Variants in HNRNPR observed in about 807,000 individuals in gnomAD.
HNRNPR encodes heterogeneous nuclear ribonucleoprotein R.
Under a neutral mutation model 70.3 loss-of-function variants are expected in HNRNPR, and 4 were observed. The observed-to-expected ratio is 0.06, with a 90% confidence interval of 0.03 to 0.13. The LOEUF (loss-of-function observed/expected upper bound fraction) is 0.13, where lower values mean the gene tolerates loss of function less well. Ranked by LOEUF, HNRNPR falls within the 10% of genes least tolerant of loss-of-function variation. The pLI is 1.00. For missense variants in HNRNPR, 423 were observed against 788.5 expected (o/e 0.54, Z 5.55); for synonymous variants, 241 against 267.6 (o/e 0.90, Z 0.97).
At chr1:23,343,842 G>A (rs1646801168) in intron 1 of HNRNPR, among the ~76,000 whole-genome samples, 1 of 152,124 alleles carries the variant, frequency 6.6e-6, no homozygotes, top group Non-Finnish European at 1.5e-5. Context: ...CGGGAGCGAA[G>A]CGGCTCCGGC....
At chr1:23,336,713 T>G (rs1251724198) in intron 4 of HNRNPR, among the ~76,000 whole-genome samples, 2 of 136,994 alleles carry the variant, frequency 1.5e-5, no homozygotes, top group African/African-American at 3.0e-5. Flanking sequence ...TGAGCTGAGA[T>G]GGCGCTACTG....
In HNRNPR at chr1:23,308,065, G is replaced by A. The variant is rs1235134619; in HGVS notation, c.*2389C>T. On this transcript the variant is annotated 3_prime_UTR_variant, in exon 11 of 11. Transcript: ENST00000302271. ...GCTACAGTGTTAATTTACAAGACAT[G>A]AAAGAAGAAAAGCTCTTGAGTTTTA... is the stretch of plus-strand genomic sequence containing the variant. 6.6e-6 allele frequency: 1 copy of A among 152,018 alleles called. No individual in the cohort carries two copies. The highest frequency in any genetic ancestry group is 1.5e-5 in the Non-Finnish European group (1 of 67,906). 9.4% of individuals were successfully genotyped at this position (152,018 alleles called of 1,614,324 possible).
rs199969932 is a variant in HNRNPR at position 23,310,418 on chromosome 1, G to A, written c.*36C>T. 90 of 1,520,278 alleles carry A rather than the reference G, an allele frequency of 5.9e-5. No homozygotes were observed. The South Asian group carries it at 8.6e-4, about 15-fold the overall frequency. The allele number at this position is 1,520,278 out of a possible 1,614,324, so 94.2% of individuals were successfully genotyped here. A position where few individuals can be genotyped will look rare whatever the true frequency, so the allele number is the denominator to read the frequency against. ...GAAGAATGTAGATCTAGAGCCAATCGTATCTTGCCAGTATCATTTTCAAGC... is the reference window on the plus strand; with the variant it reads ...GAAGAATGTAGATCTAGAGCCAATCATATCTTGCCAGTATCATTTTCAAGC... On this transcript the variant is annotated 3_prime_UTR_variant, in exon 11 of 11. Transcript: ENST00000302271. The surrounding 1 kb of genome is among the most constrained non-coding windows in gnomAD (Gnocchi z 6.0).
At position 23,308,100 on chromosome 1, in the gene HNRNPR, G is replaced by A. The variant is rs1042834756; in HGVS notation, c.*2354C>T. On this transcript the variant is annotated 3_prime_UTR_variant, in exon 11 of 11. Transcript: ENST00000302271. ...AAGCTCTTGAGTTTTAATGTTTATA[G>A]GATTATGCTTTACAATTTAAAATAG... 3.9e-5 allele frequency: 6 copies of A among 151,910 alleles called. No individual in the cohort carries two copies. The highest frequency in any genetic ancestry group is 7.4e-5 in the Non-Finnish European group (5 of 67,888). 9.4% of individuals were successfully genotyped at this position (151,910 alleles called of 1,614,324 possible). A position where few individuals can be genotyped will look rare whatever the true frequency, so the allele number is the denominator to read the frequency against.
At chr1:23,319,760 C>T (rs1645685451) in intron 7 of HNRNPR, among the ~76,000 whole-genome samples, 1 of 152,186 alleles carries the variant, frequency 6.6e-6, no homozygotes, top group Admixed American at 6.5e-5. Flanking sequence ...AACTCTACTC[C>T]TAATTCTACC....
chr1:23,333,251 A>T (rs760903006), intron 5 of HNRNPR, among the ~76,000 whole-genome samples: 6 of 152,206 alleles, frequency 3.9e-5, no homozygotes, highest in Non-Finnish European at 8.8e-5. Context: ...CCAAGTATCT[A>T]AAATGGTGTG....
Position 23,333,481 on chromosome 1 carries a change from C to G in HNRNPR, c.498+37G>C, listed in dbSNP as rs373326331. The stretch of plus-strand genomic sequence containing the variant: ...CATAGTAGATAAAACACTTTCCAAA[C>G]TGGAAAGATCTTGGTAAACTGCTAA... On this transcript the variant is annotated intron_variant, in intron 5 of 10. Transcript: ENST00000302271. 4.5e-6 allele frequency: 6 copies of G among 1,330,888 alleles called. No homozygotes were observed. In the African/African-American group the frequency reaches 5.8e-5, roughly 13 times the overall value. 82.4% of individuals were successfully genotyped at this position (1,330,888 alleles called of 1,614,324 possible).
In HNRNPR at chr1:23,318,011, A is replaced by T. The variant is rs952480850; in HGVS notation, c.1017+472T>A. Among the ~76,000 whole-genome samples the T allele has an allele frequency of 8.0e-5, 12 of 150,900 alleles. No homozygotes were observed. The highest frequency in any genetic ancestry group is 1.9e-4 in the East Asian group (1 of 5,186). On this transcript the variant is annotated intron_variant, in intron 8 of 10. Coordinates refer to ENST00000302271, the MANE Select transcript of HNRNPR (RefSeq NM_005826.5). The surrounding 1 kb of genome is among the most constrained non-coding windows in gnomAD (Gnocchi z 4.2). ...TAATAATAATAAATAAAATATTTTT[A>T]AAAATAAAAACTACAAAAAAAGCTT...
chr1:23,340,982 C>A lies in HNRNPR; in HGVS notation c.27G>T (p.Ala9=). The change falls in exon 2 of 11, where the codon GCG becomes GCT. Residue 9 remains alanine, a synonymous_variant. Transcript: ENST00000302271. ...GTTCTTCCTCTTCTTTTAACTGTAC[C>A]GCATTACCATTCACCTGATTAGCCA... The part of the protein sequence containing the change: MANQVNGN[A]VQLKEEEEPM... 1 of 1,611,946 alleles carries A rather than the reference C, an allele frequency of 6.2e-7. No individual in the cohort carries two copies. Among genetic ancestry groups the A allele is most frequent in the Non-Finnish European group, 8.5e-7 (1 of 1,179,114 alleles).
chr1:23,343,662 G>A (rs1646789342), intron 1 of HNRNPR, among the ~76,000 whole-genome samples: 1 of 152,196 alleles, frequency 6.6e-6, no homozygotes, highest in Non-Finnish European at 1.5e-5. Context: ...GAATGTGGGA[G>A]GGGAGGGAGG....
rs1209227331 is a variant in HNRNPR, at chr1:23,310,382, T to A, written c.*72A>T. ...CTTAAAGATGAAACAGTTAAGCCAA[T>A]TTTTTTTTTTGAAGAATGTAGATCT... is the stretch of plus-strand genomic sequence containing the variant. On this transcript the variant is annotated 3_prime_UTR_variant, in exon 11 of 11. Transcript: ENST00000302271. The surrounding 1 kb of genome is among the most constrained non-coding windows in gnomAD (Gnocchi z 6.0). The A allele has an allele frequency of 3.1e-6, 3 of 960,738 alleles. No homozygotes were observed. The highest frequency in any genetic ancestry group is 4.3e-6 in the Non-Finnish European group (3 of 695,528). 59.5% of individuals were successfully genotyped at this position (960,738 alleles called of 1,614,324 possible). A position where few individuals can be genotyped will look rare whatever the true frequency, so the allele number is the denominator to read the frequency against.
chr1:23,333,703 T>G, intron 4 of HNRNPR, 72 bp from the exon 5 acceptor site: 1 of 868,566 alleles, frequency 1.2e-6, no homozygotes, highest in Non-Finnish European at 1.8e-6. Flanking sequence ...TATTAATCTT[T>G]TCCAAAAAGG....
At chr1:23,335,391 C>G (rs187408399) in intron 4 of HNRNPR, among the ~76,000 whole-genome samples, 21 of 152,378 alleles carry the variant, frequency 1.4e-4, no homozygotes, top group African/African-American at 4.8e-4. Context: ...CCCTGGGCCA[C>G]AGACCCGTAC....
At chr1:23,327,054 G>T (rs572592660) in intron 5 of HNRNPR, among the ~76,000 whole-genome samples, 23 of 152,166 alleles carry the variant, frequency 1.5e-4, no homozygotes, top group African/African-American at 5.5e-4. Context: ...TATAATTTCT[G>T]TTTCTCTCCC....
chr1:23,340,109 C>CT (rs1646656511), intron 2 of HNRNPR, among the ~76,000 whole-genome samples: 1 of 151,858 alleles, frequency 6.6e-6, no homozygotes, highest in African/African-American at 2.4e-5. Flanking sequence ...TCAATTCTCT[C>CT]TCAGAATCTG....
chr1:23,324,161 A>T (rs984035672), intron 5 of HNRNPR, among the ~76,000 whole-genome samples: 4 of 151,714 alleles, frequency 2.6e-5, no homozygotes, highest in Non-Finnish European at 5.9e-5. Context: ...ATTTAAAATT[A>T]AAAAATTAAT....
rs979816946 is a variant in HNRNPR at position 23,323,868 on chromosome 1, G to C, written c.499-136C>G. The C allele has an allele frequency of 3.8e-5, 27 of 703,080 alleles. No individual in the cohort carries two copies. The Admixed American group carries it at 6.3e-4, about 16-fold the overall frequency. 43.6% of individuals were successfully genotyped at this position (703,080 alleles called of 1,614,324 possible). On this transcript the variant is annotated intron_variant, in intron 5 of 10. Transcript: ENST00000302271. ...GAATGGAAACAATCTGAAACTTACAGTTGACTTGCAGAGCTAATCCTAATT... is the reference window on the plus strand; with the variant it reads ...GAATGGAAACAATCTGAAACTTACACTTGACTTGCAGAGCTAATCCTAATT...
intron 9 of HNRNPR, among the ~76,000 whole-genome samples, chr1:23,312,082 AT>A (rs1645357949): frequency 6.6e-6 from 1 of 152,060 alleles, no homozygotes; most frequent in African/African-American, 2.4e-5. Flanking sequence ...TCCTCATGAT[AT>A]TTTATTTTTT....
intron 5 of HNRNPR, among the ~76,000 whole-genome samples, chr1:23,327,637 C>T (rs1191102062): frequency 6.6e-6 from 1 of 151,916 alleles, no homozygotes; most frequent in African/African-American, 2.4e-5. Flanking sequence ...TTGCAGTGAG[C>T]GGAGATCACG....
Sources: allele counts gnomAD v4.1 joint callset (sites outside exome capture counted in the v4.1 genomes callset), GRCh38; gene constraint gnomAD v4.1.1; non-coding constraint Gnocchi (gnomAD v3.1); transcripts MANE v1.5; gene names NCBI Gene and HGNC (gene_info 2026-07-23, HGNC 2026-07-21).